ZNF519: variants seen among roughly 807,000 people sequenced by gnomAD.
ZNF519 encodes similar to Zinc finger protein 85 (Zinc finger protein HPF4) (HTF1).
ZNF519 carries 7 observed loss-of-function variants against 7.4 expected under a neutral mutation model. The ratio of observed to expected loss-of-function variants is 0.94; its 90% CI spans 0.54 to 1.77. The LOEUF is 1.77. Among genes scored for constraint, ZNF519 ranks in the 40% most tolerant of loss-of-function variants. The pLI is 0.00. For missense variants in ZNF519, 586 were observed against 623.1 expected (o/e 0.94, Z 0.63); for synonymous variants, 179 against 203.3 (o/e 0.88, Z 1.02).
At chr18:14,112,280 T>G (rs72636765) in intron 2 of ZNF519, among the ~76,000 whole-genome samples, 1 of 151,922 alleles carries the variant, frequency 6.6e-6, no homozygotes, top group East Asian at 1.9e-4. Context: ...TATCCCCTCA[T>G]GACAGAAACC....
chr18:14,073,550 T>C (rs7229444), downstream of ZNF519: 37,026 of 152,088 alleles, frequency 0.24, 5,001 homozygotes, highest in African/African-American at 0.33. Context: ...GGATTATAGG[T>C]GTGAGCCACT....
Position 14,083,985 on chromosome 18 carries a change from T to G in ZNF519, c.*177+892A>C, listed in dbSNP as rs150074674. Among the ~76,000 whole-genome samples the G allele has an allele frequency of 4.0e-3, 614 of 152,304 alleles. 4 individuals are homozygous for G. The highest frequency in any genetic ancestry group is 0.027 in the Middle Eastern group (8 of 294). ...CTGTCCCCAACCCAGGTCTTGGGTA[T>G]AGTCCTGCCCAGGATGACCCCCCAA... On this transcript the variant is annotated intron_variant and NMD_transcript_variant, in intron 3 of 4. Transcript: ENST00000587419.
chr18:14,080,801 G>A (rs1205324485), intron 3 of ZNF519, among the ~76,000 whole-genome samples: 1 of 152,100 alleles, frequency 6.6e-6, no homozygotes, highest in Non-Finnish European at 1.5e-5. Context: ...GTAGATAAAT[G>A]GATAAACGAT....
intron 2 of ZNF519, among the ~76,000 whole-genome samples, chr18:14,087,144 C>T (rs1241151772): frequency 6.6e-6 from 1 of 152,066 alleles, no homozygotes; most frequent in Non-Finnish European, 1.5e-5. Context: ...AAACCATACG[C>T]TCATCTCATT....
intron 1 of ZNF519, among the ~76,000 whole-genome samples, chr18:14,131,351 G>A (rs1381983115): frequency 6.6e-6 from 1 of 152,166 alleles, no homozygotes; most frequent in African/African-American, 2.4e-5. Flanking sequence ...TCTGAAATGT[G>A]CAATAAAGGA....
At chr18:14,081,741 G>A (rs950620935) in intron 3 of ZNF519, among the ~76,000 whole-genome samples, 1 of 152,100 alleles carries the variant, frequency 6.6e-6, no homozygotes, top group Non-Finnish European at 1.5e-5. Context: ...GCTAGATTTT[G>A]CTGTGAACCT....
At chr18:14,120,552 C>A (rs1285365573) in intron 2 of ZNF519, among the ~76,000 whole-genome samples, 1 of 151,824 alleles carries the variant, frequency 6.6e-6, no homozygotes, top group East Asian at 1.9e-4. Context: ...GGGACTGCAT[C>A]AAAGTAAACA....
intron 2 of ZNF519, among the ~76,000 whole-genome samples, chr18:14,111,210 A>G (rs1289135216): frequency 1.3e-5 from 2 of 151,378 alleles, no homozygotes; most frequent in Non-Finnish European, 2.9e-5. Flanking sequence ...ACTAAGAAAA[A>G]AAAAGAAAAC....
At chr18:14,112,604 T>C (rs2046226895) in intron 2 of ZNF519, among the ~76,000 whole-genome samples, 2 of 152,096 alleles carry the variant, frequency 1.3e-5, no homozygotes, top group South Asian at 2.1e-4. Flanking sequence ...AGATATAGGA[T>C]TAAAAAGCTA....
chr18:14,126,490 T>C (rs1007732016), intron 1 of ZNF519, among the ~76,000 whole-genome samples: 40 of 152,354 alleles, frequency 2.6e-4, no homozygotes, highest in Middle Eastern at 3.4e-3. Flanking sequence ...ACAAGGGATG[T>C]GACCCAAATG....
chr18:14,118,892 C>A (rs1399394112), intron 2 of ZNF519, among the ~76,000 whole-genome samples: 1 of 152,146 alleles, frequency 6.6e-6, no homozygotes, highest in African/African-American at 2.4e-5. Flanking sequence ...CAGTTATAGG[C>A]ACCCAGTTAG....
intron 2 of ZNF519, among the ~76,000 whole-genome samples, chr18:14,113,763 G>C (rs1275731639): frequency 6.6e-6 from 1 of 150,438 alleles, no homozygotes; most frequent in African/African-American, 2.5e-5. Context: ...CCCACCAAGA[G>C]AGTACTAGAG....
chr18:14,119,783 A>G (rs891904555), intron 2 of ZNF519, among the ~76,000 whole-genome samples: 1 of 152,190 alleles, frequency 6.6e-6, no homozygotes, highest in Non-Finnish European at 1.5e-5. Context: ...TTGCATTTCC[A>G]TACAGTAACA....
downstream of ZNF519, among the ~76,000 whole-genome samples, chr18:14,096,100 G>C (rs1367703621): frequency 6.6e-6 from 1 of 152,254 alleles, no homozygotes; most frequent in Non-Finnish European, 1.5e-5. Context: ...GAGGTCAGGG[G>C]CCATGGGTTT....
chr18:14,087,728 C>T (rs1475178227), intron 2 of ZNF519, among the ~76,000 whole-genome samples: 2 of 152,166 alleles, frequency 1.3e-5, no homozygotes, highest in African/African-American at 4.8e-5. Flanking sequence ...CATTTATGTA[C>T]ATCACTTACT....
Position 14,104,618 on chromosome 18 carries a change from A to G in ZNF519, c.*299T>C, listed in dbSNP as rs749633005. The G allele has an allele frequency of 2.3e-5, 6 of 260,924 alleles. No homozygotes were observed. The highest frequency in any genetic ancestry group is 4.3e-5 in the Non-Finnish European group (6 of 139,654). 16.2% of individuals were successfully genotyped at this position (260,924 alleles called of 1,614,324 possible). On this transcript the variant is annotated 3_prime_UTR_variant, in exon 3 of 3. Transcript: ENST00000590202. ...ACTGTGATTACAAAAATAAGTGAAC[A>G]TTGAATATAATTATGCCTCTCCATC... is the stretch of plus-strand genomic sequence containing the variant.
Position 14,105,427 on chromosome 18 carries a change from G to T in ZNF519, c.1113C>A (p.Thr371=), listed in dbSNP as rs750528094. ...SYLTQHQRIH[T]GEKPFRCKEC... Reference sequence around the variant, plus strand: ...CCTTACATCTGAAAGGTTTCTCTCCGGTATGGATTCTCTGGTGTTGAGTAA... The same window carrying T: ...CCTTACATCTGAAAGGTTTCTCTCCTGTATGGATTCTCTGGTGTTGAGTAA... The change falls in exon 3 of 3, where the codon ACC becomes ACA. Residue 371 remains threonine (T), a synonymous_variant. Coordinates refer to ENST00000590202, the MANE Select transcript of ZNF519 (RefSeq NM_145287.4). 4 of 1,597,490 alleles carry T rather than the reference G, an allele frequency of 2.5e-6. No individual in the cohort carries two copies. Among genetic ancestry groups the T allele is most frequent in the East Asian group, 4.5e-5 (2 of 44,100 alleles).
At chr18:14,083,316 T>C (rs1483860838) in intron 3 of ZNF519, among the ~76,000 whole-genome samples, 2 of 152,010 alleles carry the variant, frequency 1.3e-5, no homozygotes, top group Non-Finnish European at 2.9e-5. Flanking sequence ...TGCCACTGCA[T>C]TCCAGCCTGG....
Position 14,101,203 on chromosome 18 carries a change from G to A in ZNF519, c.*3714C>T, listed in dbSNP as rs1457179933. On this transcript the variant is annotated 3_prime_UTR_variant, in exon 3 of 3. Transcript: ENST00000590202. ...GAACTCTCTCTAGGTGCACAGGAAG[G>A]AACATGAGGAGGTAAAAGAGGTGGC... 1.3e-5 allele frequency: 2 copies of A among 153,126 alleles called. No homozygotes were observed. The highest frequency in any genetic ancestry group is 2.9e-5 in the Non-Finnish European group (2 of 68,592). 9.5% of individuals were successfully genotyped at this position (153,126 alleles called of 1,614,324 possible). A position where few individuals can be genotyped will look rare whatever the true frequency, so the allele number is the denominator to read the frequency against.
Sources: allele counts gnomAD v4.1 joint callset (sites outside exome capture counted in the v4.1 genomes callset), GRCh38; gene constraint gnomAD v4.1.1; transcripts MANE v1.5; gene names NCBI Gene and HGNC (gene_info 2026-07-23, HGNC 2026-07-21).